NRP1: variants seen among roughly 807,000 people sequenced by gnomAD.
NRP1 encodes neuropilin 1.
A neutral mutation model predicts 106.7 loss-of-function variants in NRP1; 35 were observed. The observed-to-expected ratio is 0.33, with a 90% CI of 0.25 to 0.43. NRP1 has a LOEUF of 0.43. NRP1 is among the 20% of genes least tolerant of loss of function. The pLI, the probability that NRP1 is intolerant of heterozygous loss-of-function variation, is 1.00. For synonymous variants in NRP1, 437 were observed against 417.9 expected (o/e 1.05, Z -0.56); for missense variants, 1,024 against 1,170.4 (o/e 0.87, Z 1.83).
Position 33,238,875 on chromosome 10 carries a change from TA to T in NRP1, c.982-12587del, listed in dbSNP as rs1423069423. ...GAATGTGACCTAATATTTTTTTACT[TA>T]GTCTTTTGGGTAATTGGAGTGGGTG... On this transcript the variant is annotated intron_variant, in intron 6 of 16. Coordinates refer to ENST00000374867, the MANE Select transcript of NRP1 (RefSeq NM_003873.7). Among the ~76,000 whole-genome samples the T allele has an allele frequency of 7.3e-5, 11 of 151,592 alleles. No individual in the cohort carries two copies. In the South Asian group the frequency reaches 2.1e-3, roughly 29 times the overall value.
At chr10:33,283,340 C>G (rs536388741) in intron 2 of NRP1, among the ~76,000 whole-genome samples, 1 of 152,120 alleles carries the variant, frequency 6.6e-6, no homozygotes, top group Admixed American at 6.5e-5. Flanking sequence ...AGTACTTGTC[C>G]GTTTTCTTTT....
At chr10:33,204,374 T>A (rs2269107) in intron 10 of NRP1, among the ~76,000 whole-genome samples, 19,718 of 152,186 alleles carry the variant, frequency 0.13, 1,644 homozygotes, top group East Asian at 0.5. Context: ...ATAACATACA[T>A]GCCACTCAGG....
intron 2 of NRP1, chr10:33,288,729 C>T (rs1316036931): frequency 1.3e-5 from 2 of 152,194 alleles, no homozygotes; most frequent in East Asian, 3.8e-4. Flanking sequence ...AAATCTCACT[C>T]TTTCAAAGCC....
intron 2 of NRP1, among the ~76,000 whole-genome samples, chr10:33,316,454 G>A (rs1262848132): frequency 1.3e-5 from 2 of 152,184 alleles, no homozygotes; most frequent in Non-Finnish European, 2.9e-5. Context: ...CAGTTCTCCA[G>A]GTGGTCAACA....
chr10:33,298,770 C>T (rs920455244), intron 2 of NRP1, among the ~76,000 whole-genome samples: 1 of 152,114 alleles, frequency 6.6e-6, no homozygotes, highest in African/African-American at 2.4e-5. Flanking sequence ...TTGCAGTGTA[C>T]TTGTGGCGAT....
At chr10:33,251,765 G>A (rs1841875736) in intron 6 of NRP1, among the ~76,000 whole-genome samples, 1 of 152,194 alleles carries the variant, frequency 6.6e-6, no homozygotes, top group Admixed American at 6.5e-5. Context: ...TACAGTTGCA[G>A]TTTCAGAGCT....
At chr10:33,306,214 A>G (rs528631831) in intron 2 of NRP1, among the ~76,000 whole-genome samples, 4 of 152,220 alleles carry the variant, frequency 2.6e-5, no homozygotes, top group African/African-American at 4.8e-5. Context: ...ACTTCTGTTC[A>G]TGGCAGAGAG....
In NRP1 at chr10:33,185,691, G is replaced by A; in HGVS notation, c.2368C>T (p.Leu790Phe). 1 of 1,614,044 alleles carries A rather than the reference G, an allele frequency of 6.2e-7. No homozygotes were observed. Among genetic ancestry groups the A allele is most frequent in the South Asian group, 1.1e-5 (1 of 91,076 alleles). ...IFEGEIGKGN[L>F]GGIAVDDISI... ...ATGTCATCCACAGCAATCCCACCAA[G>A]GTTTCCTTTTCCGATTTCGCCCTCG... is the stretch of plus-strand genomic sequence containing the variant. The change falls in exon 15 of 17, where the codon CTT (leucine) becomes TTT (phenylalanine). Residue 790 changes from leucine (L) to phenylalanine (F), a missense_variant. Leu to Phe is a conservative substitution (Grantham distance 22, BLOSUM62 0). This residue lies in a region of NRP1 where 164 missense variants were observed against 161.4 expected (regional missense o/e 1.02). Coordinates refer to ENST00000374867, the MANE Select transcript of NRP1 (RefSeq NM_003873.7).
At chr10:33,259,548 TG>T (rs1017572265) in intron 4 of NRP1, among the ~76,000 whole-genome samples, 3 of 152,106 alleles carry the variant, frequency 2.0e-5, no homozygotes, top group African/African-American at 7.2e-5. Flanking sequence ...TGAATGAAAA[TG>T]GTCACAAAAA....
chr10:33,290,411 G>C (rs1278470961), intron 2 of NRP1, among the ~76,000 whole-genome samples: 1 of 149,394 alleles, frequency 6.7e-6, no homozygotes, highest in Admixed American at 6.7e-5. Flanking sequence ...ACCGACCCTG[G>C]TTAATCCAAA....
chr10:33,236,913 G>C (rs1275513554), intron 6 of NRP1, among the ~76,000 whole-genome samples: 1 of 152,138 alleles, frequency 6.6e-6, no homozygotes, highest in Non-Finnish European at 1.5e-5. Flanking sequence ...TTTCTTAACT[G>C]TCCCGCAGAC....
At chr10:33,206,659 C>G (rs1176186536) in intron 10 of NRP1, among the ~76,000 whole-genome samples, 1 of 152,218 alleles carries the variant, frequency 6.6e-6, no homozygotes, top group Non-Finnish European at 1.5e-5. Flanking sequence ...TGATTAACAT[C>G]TGGATGCCTA....
chr10:33,312,022 A>G (rs530685320), intron 2 of NRP1, among the ~76,000 whole-genome samples: 12 of 152,334 alleles, frequency 7.9e-5, no homozygotes, highest in African/African-American at 2.9e-4. Context: ...TAACTTTAGA[A>G]GTTAGTCCTC....
At chr10:33,315,986 A>C (rs1266110917) in intron 2 of NRP1, among the ~76,000 whole-genome samples, 3 of 152,172 alleles carry the variant, frequency 2.0e-5, no homozygotes, top group African/African-American at 7.2e-5. Flanking sequence ...GCCAGAGAGA[A>C]GGCCTTATCT....
chr10:33,263,810 T>C lies in NRP1; in HGVS notation c.494A>G (p.Glu165Gly). ...GCATTCAAGGCTGTTGGGATATTTT[T>C]CAGGGAATCCGGGGGACTTTATCAC... is the stretch of plus-strand genomic sequence containing the variant. Reference protein sequence around the residue: ...SGVIKSPGFPEKYPNSLECTY... With the variant: ...SGVIKSPGFPGKYPNSLECTY... Residue 165 changes from glutamate to glycine, a missense_variant, in exon 4 of 17, where the codon GAA (glutamate) becomes GGA (glycine). By Grantham distance (98) the Glu-to-Gly change is moderately conservative (BLOSUM62 -2). Coordinates refer to ENST00000374867, the MANE Select transcript of NRP1 (RefSeq NM_003873.7). 6.2e-7 allele frequency: 1 copy of C among 1,614,064 alleles called. No individual in the cohort carries two copies. The highest frequency in any genetic ancestry group is 1.1e-5 in the South Asian group (1 of 91,072).
intron 11 of NRP1, chr10:33,201,621 A>T (rs1490162223): frequency 6.6e-6 from 1 of 152,150 alleles, no homozygotes; most frequent in Non-Finnish European, 1.5e-5. Flanking sequence ...TGCATTAATT[A>T]ATCTAAGTTT....
At chr10:33,205,227 C>A (rs932786768) in intron 10 of NRP1, among the ~76,000 whole-genome samples, 6 of 152,196 alleles carry the variant, frequency 3.9e-5, no homozygotes, top group African/African-American at 1.4e-4. Flanking sequence ...CCAATCATAT[C>A]AAAAAGCTTT....
intron 2 of NRP1, among the ~76,000 whole-genome samples, chr10:33,303,754 G>A (rs993658138): frequency 6.6e-6 from 1 of 152,178 alleles, no homozygotes; most frequent in Admixed American, 6.5e-5. Context: ...TTACATTTTA[G>A]TTATAGCATT....
intron 10 of NRP1, among the ~76,000 whole-genome samples, chr10:33,204,890 C>T (rs906507103): frequency 2.0e-5 from 3 of 152,084 alleles, no homozygotes; most frequent in African/African-American, 7.2e-5. Flanking sequence ...CACCAACACA[C>T]CCAGCTAATT....
Sources: allele counts gnomAD v4.1 joint callset (sites outside exome capture counted in the v4.1 genomes callset), GRCh38; gene constraint gnomAD v4.1.1; regional missense constraint gnomAD v4.1.1; transcripts MANE v1.5; gene names NCBI Gene and HGNC (gene_info 2026-07-23, HGNC 2026-07-21).